ZNF430: variants seen among roughly 807,000 people sequenced by gnomAD.
ZNF430 encodes the protein zinc finger protein 430.
Under a neutral mutation model 56.7 loss-of-function variants are expected in ZNF430, and 35 were observed. That is an observed-to-expected ratio of 0.62 (90% CI 0.47 to 0.82). The LOEUF (loss-of-function observed/expected upper bound fraction) is 0.82, where lower values mean the gene tolerates loss of function less well. Among genes scored for constraint, ZNF430 ranks in the 40% least tolerant of loss-of-function variants. The pLI, the probability that ZNF430 is intolerant of heterozygous loss-of-function variation, is 0.00. For synonymous variants in ZNF430, 212 were observed against 224.3 expected, an observed-to-expected ratio of 0.94 and a Z score of 0.49; for missense variants, 574 against 661.0, an observed-to-expected ratio of 0.87 and a Z score of 1.44.
intron 4 of ZNF430, among the ~76,000 whole-genome samples, chr19:21,055,509 C>T (rs369662562): frequency 1.8e-4 from 28 of 151,618 alleles, no homozygotes; most frequent in South Asian, 4.2e-4. Flanking sequence ...AGTGCAGTGG[C>T]GCAATCTCGG....
chr19:21,045,257 G>A (rs370354206), intron 4 of ZNF430, among the ~76,000 whole-genome samples: 24 of 152,268 alleles, frequency 1.6e-4, no homozygotes, highest in South Asian at 4.1e-4. Flanking sequence ...GCATTCTACA[G>A]ATTCTAGTAC....
chr19:21,020,964 C>A (rs1182085214), intron 1 of ZNF430, among the ~76,000 whole-genome samples, 161 bp downstream of exon 1: 1 of 152,178 alleles, frequency 6.6e-6, no homozygotes, highest in Non-Finnish European at 1.5e-5. Flanking sequence ...CTTAAGATGG[C>A]GGCTGCGCTG....
chr19:21,021,728 G>A (rs1267467886), intron 1 of ZNF430, among the ~76,000 whole-genome samples: 1 of 151,078 alleles, frequency 6.6e-6, no homozygotes, highest in Non-Finnish European at 1.5e-5. Context: ...TTTTCTGGTT[G>A]TGTAATCAGA....
At chr19:21,052,544 G>A (rs988178711) in intron 4 of ZNF430, among the ~76,000 whole-genome samples, 1 of 152,014 alleles carries the variant, frequency 6.6e-6, no homozygotes, top group Admixed American at 6.6e-5. Context: ...TAGGTTCCCA[G>A]TAAATGAATG....
At chr19:21,040,149 A>T (rs1244113763) in intron 4 of ZNF430, among the ~76,000 whole-genome samples, 1 of 152,196 alleles carries the variant, frequency 6.6e-6, no homozygotes, top group African/African-American at 2.4e-5. Context: ...GTATTCTTTA[A>T]TAAGACTTGT....
At chr19:21,042,965 G>A (rs1968132069) in intron 4 of ZNF430, among the ~76,000 whole-genome samples, 1 of 151,904 alleles carries the variant, frequency 6.6e-6, no homozygotes, top group Non-Finnish European at 1.5e-5. Flanking sequence ...CTTTTTAATG[G>A]GGTTGTTTTA....
At chr19:21,024,357 A>T (rs1209614097) in intron 2 of ZNF430, among the ~76,000 whole-genome samples, 1 of 152,184 alleles carries the variant, frequency 6.6e-6, no homozygotes, top group Non-Finnish European at 1.5e-5. Context: ...ACAAAGTTAG[A>T]TTTATGTTAA....
chr19:21,026,827 C>CTTT (rs747809260), intron 2 of ZNF430, among the ~76,000 whole-genome samples: 836 of 68,564 alleles, frequency 0.012, 93 homozygotes, highest in Middle Eastern at 0.065. Flanking sequence ...CTTTTCTTTT[C>CTTT]TTTTTTTTTT....
chr19:21,040,515 T>C (rs766246597), intron 4 of ZNF430, among the ~76,000 whole-genome samples: 1 of 152,236 alleles, frequency 6.6e-6, no homozygotes, highest in Non-Finnish European at 1.5e-5. Flanking sequence ...CTACTCTGCC[T>C]TCCACTAAGA....
At chr19:21,053,781 T>A (rs1462409471) in intron 4 of ZNF430, among the ~76,000 whole-genome samples, 1 of 152,226 alleles carries the variant, frequency 6.6e-6, no homozygotes, top group Non-Finnish European at 1.5e-5. Flanking sequence ...ATATATAAAC[T>A]CTGAAACAGA....
chr19:21,053,400 T>A (rs1968316962), intron 4 of ZNF430: 1 of 152,148 alleles, frequency 6.6e-6, no homozygotes, highest in Admixed American at 6.5e-5. Flanking sequence ...TTTTTATTTA[T>A]TTATTTATTT....
intron 4 of ZNF430, among the ~76,000 whole-genome samples, chr19:21,055,570 T>C (rs1319983350): frequency 6.6e-6 from 1 of 152,110 alleles, no homozygotes; most frequent in Non-Finnish European, 1.5e-5. Context: ...TGCCTCAGCC[T>C]CCCAAGTAGC....
chr19:21,057,915 C>T lies in ZNF430; in HGVS notation c.1607C>T (p.Thr536Ile), dbSNP rs774427121. 1 of 1,613,610 alleles carries T rather than the reference C, an allele frequency of 6.2e-7. No homozygotes were observed. Among genetic ancestry groups the T allele is most frequent in the Non-Finnish European group, 8.5e-7 (1 of 1,179,878 alleles). Residue 536 changes from threonine (T) to isoleucine (I), a missense_variant, in exon 5 of 5, where the codon ACT becomes ATT. By Grantham distance (89) the Thr-to-Ile change is moderately conservative (BLOSUM62 -1). Coordinates refer to ENST00000261560, the MANE Select transcript of ZNF430 (RefSeq NM_025189.4). Reference sequence around the variant, plus strand: ...CTTACTAAACATAAGGTAATTCATACTGGAGAGAAACCCTACAACTGTGAA... The same window carrying T: ...CTTACTAAACATAAGGTAATTCATATTGGAGAGAAACCCTACAACTGTGAA... ...STLTKHKVIH[T>I]GEKPYNCEEY... is the part of the protein sequence containing the mutation.
chr19:21,050,078 G>A (rs1663835265), intron 4 of ZNF430, among the ~76,000 whole-genome samples: 1 of 130,840 alleles, frequency 7.6e-6, no homozygotes, highest in East Asian at 2.2e-4. Context: ...TAGAGGCAGG[G>A]TTTCACCGTC....
rs747379047 is a variant in ZNF430 at position 21,057,607 on chromosome 19, A to G, written c.1299A>G (p.Gln433=). 2 of 1,612,176 alleles carry G rather than the reference A, an allele frequency of 1.2e-6. No homozygotes were observed. The highest frequency in any genetic ancestry group is 2.2e-5 in the East Asian group (1 of 44,772). ...HTGEKPYKCE[Q]CGKAFNESSN... ...GAGAGAAACCCTACAAATGTGAACAATGTGGCAAAGCTTTTAATGAGTCCT... is the reference window on the plus strand; with the variant it reads ...GAGAGAAACCCTACAAATGTGAACAGTGTGGCAAAGCTTTTAATGAGTCCT... Residue 433 remains glutamine, a synonymous_variant, in exon 5 of 5, where the codon CAA becomes CAG. Coordinates refer to ENST00000261560, the MANE Select transcript of ZNF430 (RefSeq NM_025189.4).
At position 21,037,146 on chromosome 19, in the gene ZNF430, C is replaced by T. The variant is rs919783190; in HGVS notation, c.322+2962C>T. ...TTTTTTTTTATTTTTGAGACGGAGT[C>T]TCCTGTCACCCAGGCTGGAGTGCAA... On this transcript the variant is annotated intron_variant, in intron 4 of 4. Transcript: ENST00000261560. 6.2e-5 allele frequency among the ~76,000 whole-genome samples: 9 copies of T among 146,234 alleles called. No homozygotes were observed. In the Admixed American group the frequency reaches 6.3e-4, roughly 10 times the overall value.
In ZNF430 at chr19:21,057,306, C is replaced by T. The variant is rs1437509833; in HGVS notation, c.998C>T (p.Thr333Ile). 1.2e-6 allele frequency: 2 copies of T among 1,613,202 alleles called. No individual in the cohort carries two copies. Among genetic ancestry groups the T allele is most frequent in the Non-Finnish European group, 1.7e-6 (2 of 1,179,850 alleles). ...GCTTTTAACCGGTCCTCACACCTTA[C>T]TACACATAAGATTATTCATACTGGA... ...GRAFNRSSHL[T>I]THKIIHTGEK... Residue 333 changes from threonine to isoleucine, a missense_variant, in exon 5 of 5, where the codon ACT becomes ATT. By Grantham distance (89) the Thr-to-Ile change is moderately conservative. This residue lies in a region of ZNF430 where 346 missense variants were observed against 399.1 expected (regional missense o/e 0.87). Transcript: ENST00000261560.
Position 21,058,765 on chromosome 19 carries a change from A to G in ZNF430, c.*744A>G, listed in dbSNP as rs927560156. The stretch of plus-strand genomic sequence containing the variant: ...TATAAAGACCATGAAAAAGCCATTA[A>G]TATCTATTCACATCTTACCACTGGA... On this transcript the variant is annotated 3_prime_UTR_variant, in exon 5 of 5. Coordinates refer to ENST00000261560, the MANE Select transcript of ZNF430 (RefSeq NM_025189.4). The G allele has an allele frequency of 6.6e-6, 1 of 152,316 alleles. No individual in the cohort carries two copies. Among genetic ancestry groups the G allele is most frequent in the African/African-American group, 2.4e-5 (1 of 41,470 alleles). The allele number at this position is 152,316 out of a possible 1,614,324, so 9.4% of individuals were successfully genotyped here.
At chr19:21,055,150 A>T (rs1244045756) in intron 4 of ZNF430, among the ~76,000 whole-genome samples, 1 of 151,936 alleles carries the variant, frequency 6.6e-6, no homozygotes, top group African/African-American at 2.4e-5. Context: ...TTCAATTTTT[A>T]AAATTAATAT....
Sources: gnomAD v4.1 joint callset for allele counts (sites outside exome capture counted in the v4.1 genomes callset) on GRCh38, gnomAD v4.1.1 for gene constraint, gnomAD v4.1.1 regional missense constraint, MANE v1.5 for transcripts, NCBI Gene and HGNC (gene_info 2026-07-23, HGNC 2026-07-21) for gene names.